The following EPHA3 variants were observed in gnomAD, a reference collection of about 807,000 sequenced individuals.
EPHA3 encodes EPH receptor A3, also known as ephrin type-A receptor 3.
A neutral mutation model predicts 107.1 loss-of-function variants in EPHA3; 42 were observed. The observed-to-expected ratio is 0.39, with a 90% CI of 0.31 to 0.51. The LOEUF is 0.51. Among genes scored for constraint, EPHA3 ranks in the 20% least tolerant of loss-of-function variants. The pLI, the probability that EPHA3 is intolerant of heterozygous loss-of-function variation, is 0.78. For missense variants in EPHA3, 1,183 were observed against 1,211.2 expected (o/e 0.98, Z 0.35); for synonymous variants, 461 against 424.8 (o/e 1.09, Z -1.05).
intron 3 of EPHA3, among the ~76,000 whole-genome samples, chr3:89,280,161 T>C (rs1234983024): frequency 6.6e-6 from 1 of 152,086 alleles, no homozygotes; most frequent in Non-Finnish European, 1.5e-5. Flanking sequence ...TTACAGATAT[T>C]TATTTCCTGC....
In EPHA3 at chr3:89,260,855, C is replaced by A. The variant is rs548364275; in HGVS notation, c.814+50335C>A. ...CACCAGACTGATTCATGAATGGCTG[C>A]TTTTTCCCATTGTTTCCTGTTAGGA... On this transcript the variant is annotated intron_variant, in intron 3 of 16. Transcript: ENST00000336596. Among the ~76,000 whole-genome samples the A allele has an allele frequency of 2.0e-5, 3 of 152,330 alleles. No homozygotes were observed. The South Asian group carries it at 6.2e-4, about 32-fold the overall frequency.
chr3:89,249,292 A>G (rs2107259946), intron 3 of EPHA3, among the ~76,000 whole-genome samples: 1 of 152,244 alleles, frequency 6.6e-6, no homozygotes, highest in African/African-American at 2.4e-5. Flanking sequence ...AGAAGCTTTG[A>G]CATCTCACTT....
chr3:89,171,997 C>A (rs771352581), intron 2 of EPHA3, among the ~76,000 whole-genome samples: 1 of 152,108 alleles, frequency 6.6e-6, no homozygotes, highest in Non-Finnish European at 1.5e-5. Flanking sequence ...TTCTTCCATT[C>A]GCTTTTGTTT....
chr3:89,453,236 C>T (rs950561187), intron 15 of EPHA3, among the ~76,000 whole-genome samples: 3 of 151,958 alleles, frequency 2.0e-5, no homozygotes, highest in Admixed American at 2.0e-4. Context: ...CTTTACCTAT[C>T]ATAAAAACAT....
intron 7 of EPHA3, among the ~76,000 whole-genome samples, chr3:89,404,220 A>C (rs1709014109): frequency 6.6e-6 from 1 of 152,172 alleles, no homozygotes; most frequent in Non-Finnish European, 1.5e-5. Flanking sequence ...ATTTCTATAT[A>C]AAAATTAGGC....
chr3:89,344,287 C>T (rs115241604), intron 5 of EPHA3, among the ~76,000 whole-genome samples: 1,794 of 152,174 alleles, frequency 0.012, 33 homozygotes, highest in African/African-American at 0.041. Context: ...CAGGCCAAGA[C>T]ATTAAAAAAT....
chr3:89,198,585 A>G (rs191919003), intron 2 of EPHA3, among the ~76,000 whole-genome samples: 1 of 152,304 alleles, frequency 6.6e-6, no homozygotes, highest in African/African-American at 2.4e-5. Flanking sequence ...TAGCTTTAAA[A>G]TTGGTGCTAT....
At chr3:89,308,773 C>T (rs755009752) in intron 3 of EPHA3, among the ~76,000 whole-genome samples, 8 of 152,014 alleles carry the variant, frequency 5.3e-5, no homozygotes, top group Non-Finnish European at 7.4e-5. Context: ...GTAAAGGAAT[C>T]TGGGAATAAC....
intron 11 of EPHA3, among the ~76,000 whole-genome samples, chr3:89,425,695 A>T (rs1709441365): frequency 1.3e-5 from 2 of 151,608 alleles, no homozygotes; most frequent in African/African-American, 4.8e-5. Context: ...CAAAGAAAAT[A>T]TCTTTATGAC....
intron 15 of EPHA3, among the ~76,000 whole-genome samples, chr3:89,467,951 C>T (rs538355206): frequency 1.3e-5 from 2 of 152,280 alleles, no homozygotes; most frequent in Non-Finnish European, 2.9e-5. Flanking sequence ...AAAGTGTGAG[C>T]TCACGGTGCA....
At chr3:89,266,978 G>T (rs1705552221) in intron 3 of EPHA3, among the ~76,000 whole-genome samples, 1 of 151,934 alleles carries the variant, frequency 6.6e-6, no homozygotes, top group South Asian at 2.1e-4. Context: ...ATTTCAAATA[G>T]TATTTCATTA....
At chr3:89,266,987 TA>T (rs1491440002) in intron 3 of EPHA3, among the ~76,000 whole-genome samples, 1 of 152,212 alleles carries the variant, frequency 6.6e-6, no homozygotes. Context: ...AGTATTTCAT[TA>T]AAAAAATGAA....
At chr3:89,356,715 C>T (rs1707965248) in intron 5 of EPHA3, among the ~76,000 whole-genome samples, 1 of 151,044 alleles carries the variant, frequency 6.6e-6, no homozygotes, top group Non-Finnish European at 1.5e-5. Flanking sequence ...TGTGCCATCA[C>T]TGAGGTGCCC....
chr3:89,286,952 T>C (rs1377393830), intron 3 of EPHA3, among the ~76,000 whole-genome samples: 5 of 152,266 alleles, frequency 3.3e-5, no homozygotes, highest in Admixed American at 1.3e-4. Context: ...AATACCTTAT[T>C]TTTTAGACTC....
chr3:89,451,412 A>G (rs909326200), intron 15 of EPHA3, among the ~76,000 whole-genome samples: 2 of 152,170 alleles, frequency 1.3e-5, no homozygotes, highest in African/African-American at 4.8e-5. Context: ...ATCTTGTTTA[A>G]TAATTTTGAT....
intron 3 of EPHA3, among the ~76,000 whole-genome samples, chr3:89,262,616 C>T (rs1705441083): frequency 6.6e-6 from 1 of 152,204 alleles, no homozygotes; most frequent in Admixed American, 6.5e-5. Flanking sequence ...TTTTGAAGCA[C>T]GGTATTTCCC....
chr3:89,410,719 G>A (rs1709142441), intron 9 of EPHA3, among the ~76,000 whole-genome samples: 1 of 151,808 alleles, frequency 6.6e-6, no homozygotes, highest in Non-Finnish European at 1.5e-5. Flanking sequence ...ACTCCAACAA[G>A]ATTTTATTTC....
At chr3:89,164,357 G>C (rs1705016077) in intron 2 of EPHA3, among the ~76,000 whole-genome samples, 1 of 152,242 alleles carries the variant, frequency 6.6e-6, no homozygotes, top group Non-Finnish European at 1.5e-5. Context: ...GCCGCATGCG[G>C]CCCACTGGCT....
chr3:89,473,535 G>C (rs540118826), intron 16 of EPHA3, among the ~76,000 whole-genome samples: 4 of 152,260 alleles, frequency 2.6e-5, no homozygotes, highest in African/African-American at 9.6e-5. Flanking sequence ...TTCCTAATGT[G>C]ACTACATAAT....
Sources: allele counts gnomAD v4.1 joint callset (sites outside exome capture counted in the v4.1 genomes callset), GRCh38; gene constraint gnomAD v4.1.1; transcripts MANE v1.5; gene names NCBI Gene and HGNC (gene_info 2026-07-23, HGNC 2026-07-21).